The following SLC10A7 variants were observed in gnomAD, a reference collection of about 807,000 sequenced individuals.
SLC10A7 encodes the protein sodium/bile acid cotransporter 7.
A neutral mutation model predicts 43.2 loss-of-function variants in SLC10A7; 29 were observed. That is an observed-to-expected ratio of 0.67 (90% CI 0.50 to 0.92). SLC10A7 has a LOEUF of 0.92. Ranked by LOEUF, SLC10A7 falls within the 40% of genes least tolerant of loss-of-function variation. SLC10A7 has a pLI of 0.00. For synonymous variants in SLC10A7, 152 were observed against 144.8 expected, an observed-to-expected ratio of 1.05 and a Z score of -0.35; for missense variants, 295 against 403.2, an observed-to-expected ratio of 0.73 and a Z score of 2.30.
chr4:146,257,874 G>T (rs1222556699), intron 11 of SLC10A7, among the ~76,000 whole-genome samples: 2 of 152,194 alleles, frequency 1.3e-5, no homozygotes, highest in East Asian at 3.9e-4. Flanking sequence ...TGCTCAATAG[G>T]TGGTACTGTG....
intron 2 of SLC10A7, chr4:146,514,913 C>T: frequency 1.8e-6 from 1 of 541,394 alleles, no homozygotes; most frequent in Non-Finnish European, 3.3e-6. Context: ...ATGTTGTATT[C>T]TTTTGAAAAG....
intron 10 of SLC10A7, among the ~76,000 whole-genome samples, chr4:146,265,948 T>C (rs1461311716): frequency 6.6e-6 from 1 of 152,248 alleles, no homozygotes; most frequent in Non-Finnish European, 1.5e-5. Context: ...TGAAGTCTAA[T>C]ATTACATGTA....
chr4:146,293,688 C>T (rs1465398654), intron 8 of SLC10A7, among the ~76,000 whole-genome samples: 2 of 152,102 alleles, frequency 1.3e-5, no homozygotes, highest in Non-Finnish European at 1.5e-5. Flanking sequence ...TCTCACCTGA[C>T]ATCAACTACT....
intron 9 of SLC10A7, among the ~76,000 whole-genome samples, chr4:146,286,801 C>G (rs77964938): frequency 0.18 from 2,085 of 11,592 alleles, no homozygotes; most frequent in South Asian, 0.37. Flanking sequence ...CTTGTGTTTG[C>G]AGTGGTGAGA....
chr4:146,499,858 A>G (rs1736237176), intron 4 of SLC10A7, among the ~76,000 whole-genome samples: 1 of 152,206 alleles, frequency 6.6e-6, no homozygotes, highest in Admixed American at 6.5e-5. Context: ...GAGGGAATAA[A>G]CATGTAAGTA....
intron 10 of SLC10A7, among the ~76,000 whole-genome samples, chr4:146,280,103 A>G (rs918214065): frequency 6.6e-6 from 1 of 152,176 alleles, no homozygotes; most frequent in African/African-American, 2.4e-5. Flanking sequence ...CTTGAATACA[A>G]ATACTAGATA....
At position 146,295,421 on chromosome 4, in the gene SLC10A7, G is replaced by A. The variant is rs977527817; in HGVS notation, c.556-1326C>T. ...CACCTGGATTTACAAAATATTATGG[G>A]GTTTATTTTGGGAAGGTGGGGGGAG... is the stretch of plus-strand genomic sequence containing the variant. On this transcript the variant is annotated intron_variant, in intron 7 of 11. Transcript: ENST00000335472. Among the ~76,000 whole-genome samples the A allele has an allele frequency of 2.0e-5, 3 of 151,980 alleles. No homozygotes were observed. In the South Asian group the frequency reaches 6.2e-4, roughly 32 times the overall value.
chr4:146,411,891 A>C (rs988679700), intron 5 of SLC10A7, among the ~76,000 whole-genome samples: 19 of 152,198 alleles, frequency 1.2e-4, no homozygotes, highest in Admixed American at 5.2e-4. Flanking sequence ...TGCAGATGAA[A>C]GGAAGAAGGG....
At chr4:146,465,834 C>T (rs2149949369) in intron 4 of SLC10A7, among the ~76,000 whole-genome samples, 1 of 152,272 alleles carries the variant, frequency 6.6e-6, no homozygotes, top group South Asian at 2.1e-4. Context: ...AGTGAGTTAA[C>T]ATGTACTGAA....
intron 5 of SLC10A7, among the ~76,000 whole-genome samples, chr4:146,429,225 C>T (rs901017541): frequency 9.9e-5 from 15 of 151,846 alleles, no homozygotes; most frequent in Non-Finnish European, 1.9e-4. Context: ...GACAGATGAC[C>T]AATTATGGTC....
At chr4:146,444,634 T>C (rs983827012) in intron 4 of SLC10A7, among the ~76,000 whole-genome samples, 12 of 152,208 alleles carry the variant, frequency 7.9e-5, no homozygotes, top group East Asian at 1.9e-4. Flanking sequence ...AATTGGCCTA[T>C]ATTCCTGCCT....
chr4:146,357,025 C>A (rs763069083), intron 5 of SLC10A7, among the ~76,000 whole-genome samples: 2 of 152,112 alleles, frequency 1.3e-5, no homozygotes, highest in Admixed American at 6.5e-5. Context: ...TACCCAAAGC[C>A]TGTAAGTAAA....
At chr4:146,388,749 A>G (rs1300152825) in intron 5 of SLC10A7, among the ~76,000 whole-genome samples, 2 of 138,260 alleles carry the variant, frequency 1.4e-5, no homozygotes, top group African/African-American at 2.7e-5. Context: ...ACAGTGTGAG[A>G]CTCTGTCAAA....
chr4:146,377,350 T>C (rs1028235744), intron 5 of SLC10A7, among the ~76,000 whole-genome samples: 1 of 152,192 alleles, frequency 6.6e-6, no homozygotes, highest in Non-Finnish European at 1.5e-5. Context: ...TCACCCTGAC[T>C]CTCCATTGAG....
chr4:146,320,056 G>A (rs1368736452), intron 6 of SLC10A7, among the ~76,000 whole-genome samples: 1 of 151,988 alleles, frequency 6.6e-6, no homozygotes, highest in South Asian at 2.1e-4. Context: ...GAAAAAAGAG[G>A]CACTGGAGAT....
intron 5 of SLC10A7, among the ~76,000 whole-genome samples, chr4:146,372,746 A>T (rs1579018864): frequency 6.6e-6 from 1 of 152,238 alleles, no homozygotes; most frequent in African/African-American, 2.4e-5. Flanking sequence ...ATAAAGGAGC[A>T]GGGAATGGCA....
intron 4 of SLC10A7, among the ~76,000 whole-genome samples, chr4:146,461,944 A>G (rs1248583841): frequency 2.6e-5 from 4 of 151,958 alleles, no homozygotes; most frequent in Admixed American, 2.6e-4. Flanking sequence ...GGAAAATTAC[A>G]TCAGCCCCCA....
At chr4:146,427,845 A>T (rs1005876140) in intron 5 of SLC10A7, among the ~76,000 whole-genome samples, 11 of 152,176 alleles carry the variant, frequency 7.2e-5, no homozygotes, top group African/African-American at 2.7e-4. Flanking sequence ...GTTCTCAAAA[A>T]TACAGATGTT....
intron 4 of SLC10A7, among the ~76,000 whole-genome samples, chr4:146,491,593 A>T (rs1233677968): frequency 2.0e-5 from 3 of 151,916 alleles, no homozygotes; most frequent in Non-Finnish European, 4.4e-5. Context: ...AGTGAATTAC[A>T]CACAAAGTAA....
Sources: gnomAD v4.1 joint callset for allele counts (sites outside exome capture counted in the v4.1 genomes callset) on GRCh38, gnomAD v4.1.1 for gene constraint, MANE v1.5 for transcripts, NCBI Gene and HGNC (gene_info 2026-07-23, HGNC 2026-07-21) for gene names.